The following NPIPB2 variants were observed in gnomAD, a reference collection of about 807,000 sequenced individuals.
NPIPB2 encodes nuclear pore complex interacting protein family member B2.
NPIPB2 carries 27 observed loss-of-function variants against 30.8 expected under a neutral mutation model. The ratio of observed to expected loss-of-function variants is 0.88; its 90% CI spans 0.65 to 1.21. The LOEUF is 1.21. Ranked by LOEUF, NPIPB2 falls within the 50% of genes most tolerant of loss-of-function variation. The pLI, the probability that NPIPB2 is intolerant of heterozygous loss-of-function variation, is 0.00. For missense variants in NPIPB2, 440 were observed against 446.2 expected, an observed-to-expected ratio of 0.99 and a Z score of 0.13; for synonymous variants, 147 against 162.0, an observed-to-expected ratio of 0.91 and a Z score of 0.70.
intron 1 of NPIPB2, among the ~76,000 whole-genome samples, chr16:11,970,868 T>C (rs1236043898): frequency 6.7e-6 from 1 of 148,502 alleles, no homozygotes; most frequent in African/African-American, 2.5e-5. Context: ...TTCTTTTTTT[T>C]TTTTGAGATA....
At chr16:11,937,775 C>T in intron 1 of NPIPB2, 107 bp from the exon 2 acceptor site, 1 of 1,457,920 alleles carries the variant, frequency 6.9e-7, no homozygotes, top group Non-Finnish European at 9.3e-7. Context: ...AAGGTAACCA[C>T]ATCCCTCAGA....
intron 1 of NPIPB2, among the ~76,000 whole-genome samples, chr16:11,948,504 C>T (rs1048065282): frequency 1.4e-4 from 22 of 152,230 alleles, no homozygotes; most frequent in African/African-American, 4.8e-4. Flanking sequence ...CAGTGGCTCA[C>T]ACCTGTAATC....
chr16:11,965,539 G>C, intron 1 of NPIPB2: 1 of 1,367,894 alleles, frequency 7.3e-7, no homozygotes, highest in Middle Eastern at 2.1e-4. Context: ...CAACATAATG[G>C]GCATGATGGT....
intron 1 of NPIPB2, among the ~76,000 whole-genome samples, chr16:11,951,666 A>ACACACC (rs1226047972): frequency 0.037 from 5,127 of 138,614 alleles, 155 homozygotes; most frequent in Middle Eastern, 0.051. Flanking sequence ...ACACACACAC[A>ACACACC]CCCAGCCCCC....
At chr16:11,952,500 A>C in intron 1 of NPIPB2, among the ~76,000 whole-genome samples, 1 of 152,032 alleles carries the variant, frequency 6.6e-6, no homozygotes. Context: ...ACCCACCTTA[A>C]CAATATTCGA....
Position 11,951,249 on chromosome 16 carries a change from G to A in NPIPB2, c.-583-9135C>T, listed in dbSNP as rs186564400. Among the ~76,000 whole-genome samples, 858 of 151,706 alleles carry A rather than the reference G, an allele frequency of 5.7e-3. 4 individuals are homozygous for A. The highest frequency in any genetic ancestry group is 8.5e-3 in the Non-Finnish European group (578 of 67,914). ...AGGCGGGTGGATCACAAGGTCAGGAGATCGAGACCATCCTGGCTAACACGG... is the reference window on the plus strand; with the variant it reads ...AGGCGGGTGGATCACAAGGTCAGGAAATCGAGACCATCCTGGCTAACACGG... On this transcript the variant is annotated intron_variant, in intron 1 of 5. Transcript: ENST00000538896.
At chr16:11,972,355 C>G (rs921511114) in intron 1 of NPIPB2, among the ~76,000 whole-genome samples, 3 of 152,158 alleles carry the variant, frequency 2.0e-5, no homozygotes, top group African/African-American at 7.2e-5. Context: ...GTGGGCAGAT[C>G]GTAAGGTCAG....
intron 1 of NPIPB2, among the ~76,000 whole-genome samples, chr16:11,957,542 C>A (rs540263634): frequency 6.6e-6 from 1 of 152,272 alleles, no homozygotes; most frequent in African/African-American, 2.4e-5. Context: ...GGTCTGCCCG[C>A]CTCAGCCTCC....
chr16:11,963,733 G>A (rs907236090), intron 1 of NPIPB2, among the ~76,000 whole-genome samples: 5 of 151,992 alleles, frequency 3.3e-5, no homozygotes, highest in African/African-American at 1.2e-4. Context: ...ATTTCACTCA[G>A]TATGGTTAAA....
chr16:11,941,238 C>G (rs1435842496), intron 1 of NPIPB2: 15 of 1,523,950 alleles, frequency 9.8e-6, no homozygotes, highest in African/African-American at 1.4e-5. Context: ...TCCACAGCAC[C>G]CGCATGTCCT....
At chr16:11,963,479 G>A (rs1443123786) in intron 1 of NPIPB2, among the ~76,000 whole-genome samples, 1 of 151,968 alleles carries the variant, frequency 6.6e-6, no homozygotes, top group East Asian at 1.9e-4. Flanking sequence ...CACTCCTTGG[G>A]CCTTAAGAAA....
intron 2 of NPIPB2, among the ~76,000 whole-genome samples, chr16:11,934,375 G>A (rs1244450539): frequency 6.6e-6 from 1 of 151,078 alleles, no homozygotes; most frequent in African/African-American, 2.4e-5. Flanking sequence ...CCAACATGGA[G>A]AAACGCTGTC....
chr16:11,967,479 A>G, intron 1 of NPIPB2: 1 of 1,336,856 alleles, frequency 7.5e-7, no homozygotes, highest in Non-Finnish European at 1.0e-6. Context: ...TCTCTCTCAC[A>G]TTGCTTTGAG....
At chr16:11,951,666 A>ACACACACAC (rs1226047972) in intron 1 of NPIPB2, among the ~76,000 whole-genome samples, 2 of 138,876 alleles carry the variant, frequency 1.4e-5, no homozygotes, top group Admixed American at 7.3e-5. Flanking sequence ...ACACACACAC[A>ACACACACAC]CCCAGCCCCC....
At chr16:11,966,472 A>C in intron 1 of NPIPB2, 10 of 932,842 alleles carry the variant, frequency 1.1e-5, no homozygotes, top group Non-Finnish European at 1.5e-5. Context: ...GAACATTGTT[A>C]CATTAAATGA....
At chr16:11,943,464 G>A (rs2054965784), upstream of NPIPB2, among the ~76,000 whole-genome samples, 2 of 152,144 alleles carry the variant, frequency 1.3e-5, no homozygotes. Flanking sequence ...AGCACTTTGG[G>A]AGGCTGAGGC....
At chr16:11,975,456 C>T (rs549285954) in intron 1 of NPIPB2, among the ~76,000 whole-genome samples, 1 of 152,020 alleles carries the variant, frequency 6.6e-6, no homozygotes. Context: ...CAATCCATCA[C>T]CTTTTCTATC....
intron 1 of NPIPB2, among the ~76,000 whole-genome samples, chr16:11,957,414 C>T (rs987576905): frequency 2.0e-5 from 3 of 152,058 alleles, no homozygotes; most frequent in African/African-American, 4.8e-5. Flanking sequence ...CCACCTGCCT[C>T]GGCCTCCCAA....
At chr16:11,945,097 G>GAATC (rs967503024), upstream of NPIPB2, among the ~76,000 whole-genome samples, 1 of 152,084 alleles carries the variant, frequency 6.6e-6, no homozygotes, top group African/African-American at 2.4e-5. Flanking sequence ...TGAGGCAGAA[G>GAATC]AATCGCTTGA....
Sources: allele counts gnomAD v4.1 joint callset (sites outside exome capture counted in the v4.1 genomes callset), GRCh38; gene constraint gnomAD v4.1.1; transcripts MANE v1.5; gene names NCBI Gene and HGNC (gene_info 2026-07-23, HGNC 2026-07-21).